HOXC6: variants seen among roughly 807,000 people sequenced by gnomAD.
HOXC6 encodes the protein homeobox protein Hox-C6.
Under a neutral mutation model 24.0 loss-of-function variants are expected in HOXC6, and 10 were observed. The observed-to-expected ratio is 0.42, with a 90% CI of 0.26 to 0.71. The LOEUF (loss-of-function observed/expected upper bound fraction) is 0.71. HOXC6 is among the 30% of genes least tolerant of loss of function. The pLI, the probability that HOXC6 is intolerant of heterozygous loss-of-function variation, is 0.28. For synonymous variants in HOXC6, 123 were observed against 128.1 expected, an observed-to-expected ratio of 0.96 and a Z score of 0.27; for missense variants, 258 against 303.4, an observed-to-expected ratio of 0.85 and a Z score of 1.11.
chr12:54,029,584 T>C (rs781712804), intron 1 of HOXC6, 71 bp from the exon 2 acceptor site: 1 of 1,516,212 alleles, frequency 6.6e-7, no homozygotes, highest in Non-Finnish European at 9.0e-7. Context: ...GTCAGGACTT[T>C]GCTAGGCGAA....
intron 1 of HOXC6, among the ~76,000 whole-genome samples, chr12:54,017,983 G>T (rs1259941532): frequency 6.6e-6 from 1 of 152,222 alleles, no homozygotes; most frequent in Non-Finnish European, 1.5e-5. Context: ...CCGCCGAGCA[G>T]GAAGCCGGCG....
Position 54,028,555 on chromosome 12 carries a change from T to C in HOXC6, c.34T>C (p.Cys12Arg). The C allele has an allele frequency of 6.2e-7, 1 of 1,614,164 alleles. No individual in the cohort carries two copies. The highest frequency in any genetic ancestry group is 1.3e-5 in the African/African-American group (1 of 75,048). ...CTACTTCACTAACCCTTCCTTATCC[T>C]GCCACCTCGCCGGGGGCCAGGACGT... ...NSYFTNPSLS[C>R]HLAGGQDVLP... is the part of the protein sequence containing the mutation. Residue 12 changes from cysteine to arginine, a missense_variant, in exon 1 of 2, where the codon TGC becomes CGC. By Grantham distance (180) the Cys-to-Arg change is radical. Transcript: ENST00000243108.
chr12:54,021,889 CT>C (rs1683197115), intron 1 of HOXC6: 1 of 152,334 alleles, frequency 6.6e-6, no homozygotes, highest in African/African-American at 2.4e-5. Context: ...AAGTGCTGTG[CT>C]ATCCCCGGAC....
chr12:54,019,547 C>T (rs1211647282), intron 1 of HOXC6, among the ~76,000 whole-genome samples: 1 of 152,194 alleles, frequency 6.6e-6, no homozygotes, highest in East Asian at 1.9e-4. Context: ...TCCGCCCCCG[C>T]CCCTGTGGAT....
intron 1 of HOXC6, among the ~76,000 whole-genome samples, chr12:54,018,543 G>T (rs1392001763): frequency 3.3e-5 from 5 of 152,232 alleles, no homozygotes; most frequent in Non-Finnish European, 5.9e-5. Flanking sequence ...ATGGCCTGTT[G>T]TATAGTCTTA....
At chr12:54,024,322 T>C (rs537061252), upstream of HOXC6, among the ~76,000 whole-genome samples, 7 of 152,094 alleles carry the variant, frequency 4.6e-5, no homozygotes, top group South Asian at 1.5e-3. Context: ...GAGCACTGAG[T>C]CCTGAGGCTC....
rs1018610306 is a variant in HOXC6 at position 54,030,037 on chromosome 12, G to GT, written c.*76dup. 8 of 1,319,302 alleles carry GT rather than the reference G, an allele frequency of 6.1e-6. No homozygotes were observed. The African/African-American group carries it at 1.2e-4, about 20-fold the overall frequency. 81.7% of individuals were successfully genotyped at this position (1,319,302 alleles called of 1,614,324 possible). The stretch of plus-strand genomic sequence containing the variant: ...CAACTCTCCCCTAATCACACACTCT[G>GT]TATTTATCACTGGCACAATTGATGT... On this transcript the variant is annotated 3_prime_UTR_variant, in exon 2 of 2. Coordinates refer to ENST00000243108, the MANE Select transcript of HOXC6 (RefSeq NM_004503.4).
At chr12:54,022,996 G>GGATA (rs1940517532) in intron 1 of HOXC6, among the ~76,000 whole-genome samples, 1 of 152,212 alleles carries the variant, frequency 6.6e-6, no homozygotes, top group South Asian at 2.1e-4. Flanking sequence ...AAAATATTCT[G>GGATA]GATATTCTGC....
upstream of HOXC6, among the ~76,000 whole-genome samples, chr12:54,026,151 C>T (rs1241427537): frequency 2.0e-5 from 3 of 152,134 alleles, no homozygotes; most frequent in African/African-American, 4.8e-5. Flanking sequence ...CTCTCTCTTC[C>T]GGCCTCTTCT....
Position 54,028,873 on chromosome 12 carries a change from G to A in HOXC6, c.352G>A (p.Ala118Thr), listed in dbSNP as rs770158000. 1.1e-5 allele frequency: 18 copies of A among 1,613,698 alleles called. No individual in the cohort carries two copies. The highest frequency in any genetic ancestry group is 1.5e-5 in the Non-Finnish European group (18 of 1,180,028). ...CAGGACTGCGCCCCAGGACCAGAAA[G>A]CCAGTATCCAGATTTACCCCTGGAT... ...QGRTAPQDQK[A>T]SIQIYPWMQR... The change falls in exon 1 of 2, where the codon GCC becomes ACC. Residue 118 changes from alanine (A) to threonine (T), a missense_variant. Transcript: ENST00000243108.
chr12:54,021,822 TCTG>T (rs1940462048), intron 1 of HOXC6: 1 of 152,378 alleles, frequency 6.6e-6, no homozygotes, highest in South Asian at 2.1e-4. Flanking sequence ...ACTTGTTTTG[TCTG>T]CTGCCACCCT....
chr12:54,029,034 G>A, intron 1 of HOXC6, 113 bp downstream of exon 1: 1 of 1,038,040 alleles, frequency 9.6e-7, no homozygotes, highest in South Asian at 1.6e-5. Flanking sequence ...AAACAATCAC[G>A]CTCGTCTCCT....
chr12:54,019,752 G>A (rs1454985572), intron 1 of HOXC6, among the ~76,000 whole-genome samples: 1 of 152,116 alleles, frequency 6.6e-6, no homozygotes, highest in Non-Finnish European at 1.5e-5. Context: ...TACCCACAGC[G>A]AGATTTGGAG....
chr12:54,023,382 G>A (rs1940536307), intron 1 of HOXC6, among the ~76,000 whole-genome samples: 1 of 152,194 alleles, frequency 6.6e-6, no homozygotes, highest in Admixed American at 6.5e-5. Flanking sequence ...TGAAGTGCTG[G>A]TAAGGAAAGG....
Position 54,028,546 on chromosome 12 carries a change from T to C in HOXC6, c.25T>C (p.Ser9Pro). 6.2e-7 allele frequency: 1 copy of C among 1,614,044 alleles called. No individual in the cohort carries two copies. Among genetic ancestry groups the C allele is most frequent in the Non-Finnish European group, 8.5e-7 (1 of 1,179,986 alleles). Residue 9 changes from serine (S) to proline (P), a missense_variant, in exon 1 of 2, where the codon TCC becomes CCC. Coordinates refer to ENST00000243108, the MANE Select transcript of HOXC6 (RefSeq NM_004503.4). ...GATGAATTCCTACTTCACTAACCCTTCCTTATCCTGCCACCTCGCCGGGGG... is the reference window on the plus strand; with the variant it reads ...GATGAATTCCTACTTCACTAACCCTCCCTTATCCTGCCACCTCGCCGGGGG... MNSYFTNP[S>P]LSCHLAGGQD... is the part of the protein sequence containing the mutation.
At chr12:54,024,083 C>G (rs1940571673), upstream of HOXC6, among the ~76,000 whole-genome samples, 1 of 152,236 alleles carries the variant, frequency 6.6e-6, no homozygotes, top group Non-Finnish European at 1.5e-5. Context: ...CGCTCCAGAA[C>G]AGCAAAGCCT....
chr12:54,027,006 C>T (rs1282723392), upstream of HOXC6, among the ~76,000 whole-genome samples: 1 of 151,876 alleles, frequency 6.6e-6, no homozygotes, highest in Admixed American at 6.6e-5. Flanking sequence ...CCCGCACACT[C>T]CCCACCACCC....
chr12:54,026,406 G>T (rs1324048346), upstream of HOXC6, among the ~76,000 whole-genome samples: 2 of 152,134 alleles, frequency 1.3e-5, no homozygotes, highest in African/African-American at 2.4e-5. Flanking sequence ...AACTCACATT[G>T]GTGTCTATGT....
In HOXC6 at chr12:54,030,096, A is replaced by C; in HGVS notation, c.*134A>C. On this transcript the variant is annotated 3_prime_UTR_variant, in exon 2 of 2. Transcript: ENST00000243108. ...TCCCTAAAACAAAATTAGGGAGTCA[A>C]ACGTGGACCTGAAAGTCAGCTCTGG... The C allele has an allele frequency of 7.8e-6, 7 of 895,188 alleles. No homozygotes were observed. In the South Asian group the frequency reaches 1.4e-4, roughly 18 times the overall value. 55.5% of individuals were successfully genotyped at this position (895,188 alleles called of 1,614,324 possible).
Sources: gnomAD v4.1 joint callset for allele counts (sites outside exome capture counted in the v4.1 genomes callset) on GRCh38, gnomAD v4.1.1 for gene constraint, MANE v1.5 for transcripts, NCBI Gene and HGNC (gene_info 2026-07-23, HGNC 2026-07-21) for gene names.